The following FAM227B variants were observed in gnomAD, a reference collection of about 807,000 sequenced individuals.
FAM227B encodes the protein family with sequence similarity 227 member B, also known as protein FAM227B.
A neutral mutation model predicts 73.8 loss-of-function variants in FAM227B; 88 were observed. That is an observed-to-expected ratio of 1.19 (90% CI 1.00 to 1.42). The LOEUF is 1.42. Ranked by LOEUF, FAM227B falls within the 40% of genes most tolerant of loss-of-function variation. FAM227B has a pLI of 0.00. For synonymous variants in FAM227B, 210 were observed against 190.5 expected (o/e 1.10, Z -0.84); for missense variants, 632 against 590.9 (o/e 1.07, Z -0.72).
At chr15:49,451,355 A>T (rs545276538) in intron 11 of FAM227B, among the ~76,000 whole-genome samples, 11 of 152,172 alleles carry the variant, frequency 7.2e-5, no homozygotes, top group African/African-American at 2.6e-4. Flanking sequence ...TCATAATGAT[A>T]AAGTATTTTT....
chr15:49,417,351 C>T lies in FAM227B; in HGVS notation c.1013-45952G>A, dbSNP rs189859088. Among the ~76,000 whole-genome samples the T allele has an allele frequency of 1.4e-4, 21 of 152,188 alleles. No individual in the cohort carries two copies. The East Asian group carries it at 1.5e-3, about 11-fold the overall frequency. ...GCAGTAAGCCATGATTATGCCACTG[C>T]GCTTCAGTCTGGGTGACTCTCTTAA... On this transcript the variant is annotated intron_variant, in intron 11 of 15. Transcript: ENST00000299338.
At chr15:49,431,422 G>A (rs986007430) in intron 11 of FAM227B, among the ~76,000 whole-genome samples, 4 of 151,808 alleles carry the variant, frequency 2.6e-5, no homozygotes, top group South Asian at 4.1e-4. Flanking sequence ...AAGGGTTTGT[G>A]TAGTAATATG....
chr15:49,469,435 A>G (rs2151958274), intron 11 of FAM227B, among the ~76,000 whole-genome samples: 1 of 152,266 alleles, frequency 6.6e-6, no homozygotes, highest in East Asian at 1.9e-4. Flanking sequence ...TATAAGCACT[A>G]TCTTTACTTC....
At chr15:49,332,459 AT>A (rs2038969724) in intron 14 of FAM227B, among the ~76,000 whole-genome samples, 1 of 152,218 alleles carries the variant, frequency 6.6e-6, no homozygotes, top group South Asian at 2.1e-4. Context: ...GTCACCAAGT[AT>A]TCATTCAAGA....
rs535915280 is a variant in FAM227B, at chr15:49,551,037, C to T, written c.748-9231G>A. Among the ~76,000 whole-genome samples, 187 of 152,360 alleles carry T rather than the reference C, an allele frequency of 1.2e-3. 5 individuals are homozygous for T. The South Asian group carries it at 0.026, about 22-fold the overall frequency. On this transcript the variant is annotated intron_variant, in intron 9 of 15. Transcript: ENST00000299338. ...GACTCCGTCTGCAATCCCGGCACCC[C>T]GGGAGGCCGAGGCTGGCGGATCACT...
chr15:49,377,065 T>C (rs1363511584), intron 11 of FAM227B, among the ~76,000 whole-genome samples: 1 of 152,070 alleles, frequency 6.6e-6, no homozygotes, highest in Non-Finnish European at 1.5e-5. Flanking sequence ...ACCATCCTTC[T>C]AGTCTCTATG....
chr15:49,585,015 C>T (rs1466570916), intron 5 of FAM227B, among the ~76,000 whole-genome samples: 1 of 152,082 alleles, frequency 6.6e-6, no homozygotes, highest in Non-Finnish European at 1.5e-5. Context: ...ACAACCCCAT[C>T]AAAAAGTGGG....
intron 11 of FAM227B, among the ~76,000 whole-genome samples, chr15:49,374,122 T>C (rs1331483898): frequency 5.3e-5 from 8 of 152,186 alleles, no homozygotes; most frequent in Admixed American, 6.5e-5. Context: ...CTCTACTTTA[T>C]AAAGATAGTT....
chr15:49,562,525 C>T (rs1285598973), intron 9 of FAM227B, among the ~76,000 whole-genome samples: 1 of 151,416 alleles, frequency 6.6e-6, no homozygotes, highest in African/African-American at 2.4e-5. Flanking sequence ...ACTCTGATAC[C>T]AAAATCTGGA....
In FAM227B at chr15:49,589,793, C is replaced by CT; in HGVS notation, c.319dup (p.Ser107LysfsTer5). On this transcript the variant is annotated frameshift_variant, in exon 4 of 16. Transcript: ENST00000299338. LOFTEE classifies it high-confidence loss of function. ...AGGCTCACTTGTCTCAGAAATCATG[C>CT]TTTTCCACTTAAATATTTCAGAGGT... 6.3e-7 allele frequency: 1 copy of CT among 1,577,974 alleles called. No individual in the cohort carries two copies.
intron 9 of FAM227B, among the ~76,000 whole-genome samples, chr15:49,549,749 T>C (rs1312710264): frequency 1.3e-5 from 2 of 152,138 alleles, no homozygotes; most frequent in Non-Finnish European, 2.9e-5. Context: ...ACCATCCGAT[T>C]TCTCAATCTT....
intron 13 of FAM227B, among the ~76,000 whole-genome samples, chr15:49,360,681 T>C (rs902943955): frequency 6.6e-6 from 1 of 152,158 alleles, no homozygotes; most frequent in African/African-American, 2.4e-5. Flanking sequence ...TCAAAGTTTT[T>C]CTCCTGTTTT....
chr15:49,480,606 T>A (rs989599033), intron 11 of FAM227B, among the ~76,000 whole-genome samples: 5 of 151,152 alleles, frequency 3.3e-5, no homozygotes, highest in Non-Finnish European at 7.4e-5. Flanking sequence ...TTCAGCCTCC[T>A]GAGTAGCTGG....
chr15:49,378,966 TCCTGCTATTC>T (rs1470580393), intron 11 of FAM227B, among the ~76,000 whole-genome samples: 16 of 152,166 alleles, frequency 1.1e-4, no homozygotes, highest in Admixed American at 1.0e-3. Flanking sequence ...TGAGGTATGT[TCCTGCTATTC>T]CCAGTTTTTT....
chr15:49,420,243 T>C lies in FAM227B; in HGVS notation c.1013-48844A>G, dbSNP rs536491257. 8.9e-4 allele frequency among the ~76,000 whole-genome samples: 136 copies of C among 152,264 alleles called. 5 individuals are homozygous for C. In the South Asian group the frequency reaches 0.027, roughly 30 times the overall value. ...TGTCTTTATTCATTACAGCATTTCT[T>C]TGGTAATAGAAAAGTACTGAAGAAA... On this transcript the variant is annotated intron_variant, in intron 11 of 15. Coordinates refer to ENST00000299338, the MANE Select transcript of FAM227B (RefSeq NM_152647.3).
chr15:49,549,346 T>TTTTATC (rs2072457265), intron 9 of FAM227B, among the ~76,000 whole-genome samples: 1 of 59,262 alleles, frequency 1.7e-5, no homozygotes, highest in Non-Finnish European at 3.5e-5. Context: ...TTATTTTTAT[T>TTTTATC]GATTATTCTT....
intron 11 of FAM227B, among the ~76,000 whole-genome samples, chr15:49,472,494 T>C (rs1265033210): frequency 2.0e-5 from 3 of 152,176 alleles, no homozygotes; most frequent in Non-Finnish European, 2.9e-5. Context: ...CATGGCCACA[T>C]TAAGCTGCAA....
chr15:49,433,841 A>G (rs1243054159), intron 11 of FAM227B, among the ~76,000 whole-genome samples: 1 of 151,780 alleles, frequency 6.6e-6, no homozygotes, highest in Admixed American at 6.6e-5. Flanking sequence ...AAACAGAAAA[A>G]AACAGTAATT....
intron 11 of FAM227B, among the ~76,000 whole-genome samples, chr15:49,479,700 G>A (rs540654520): frequency 5.5e-5 from 7 of 127,168 alleles, no homozygotes; most frequent in African/African-American, 1.7e-4. Context: ...TGCAACCTCC[G>A]CCTCCCAGGT....
Sources: allele counts gnomAD v4.1 joint callset (sites outside exome capture counted in the v4.1 genomes callset), GRCh38; gene constraint gnomAD v4.1.1; transcripts MANE v1.5; gene names NCBI Gene and HGNC (gene_info 2026-07-23, HGNC 2026-07-21).